The following HACD2 variants were observed in gnomAD, a reference collection of about 807,000 sequenced individuals.
The protein encoded by HACD2 is 3-hydroxyacyl-CoA dehydratase 2.
Under a neutral mutation model 31.0 loss-of-function variants are expected in HACD2, and 15 were observed. The observed-to-expected ratio is 0.48, with a 90% CI of 0.32 to 0.75. The LOEUF is 0.75. HACD2 is among the 30% of genes least tolerant of loss of function. The pLI is 0.03. For synonymous variants in HACD2, 115 were observed against 122.2 expected (o/e 0.94, Z 0.39); for missense variants, 283 against 313.0 (o/e 0.90, Z 0.72).
intron 6 of HACD2, 148 bp from the exon 7 acceptor site, chr3:123,495,118 G>A: frequency 1.6e-6 from 1 of 611,194 alleles, no homozygotes; most frequent in Non-Finnish European, 2.8e-6. Context: ...TTGGGGAAAG[G>A]AAGAAAAAAC....
At chr3:123,553,740 T>C (rs931721382) in intron 3 of HACD2, among the ~76,000 whole-genome samples, 1 of 152,168 alleles carries the variant, frequency 6.6e-6, no homozygotes, top group African/African-American at 2.4e-5. Context: ...TTGGGGGACA[T>C]GGAGAACTGA....
intron 3 of HACD2, among the ~76,000 whole-genome samples, chr3:123,531,653 CACA>C (rs1164094799): frequency 2.0e-5 from 3 of 152,204 alleles, no homozygotes; most frequent in African/African-American, 4.8e-5. Context: ...CACACACACA[CACA>C]ACGATTTATT....
At chr3:123,512,753 G>C (rs1247141555) in intron 4 of HACD2, among the ~76,000 whole-genome samples, 1 of 152,186 alleles carries the variant, frequency 6.6e-6, no homozygotes, top group Non-Finnish European at 1.5e-5. Context: ...ACTGTGGTTG[G>C]AGGGATCAGT....
chr3:123,543,382 C>T (rs2056517199), intron 3 of HACD2, among the ~76,000 whole-genome samples: 1 of 152,002 alleles, frequency 6.6e-6, no homozygotes. Context: ...GGGAAACCAA[C>T]ACATTATCCT....
In HACD2 at chr3:123,567,786, G is replaced by A. The variant is rs775386452; in HGVS notation, c.274-6C>T. On this transcript the variant is annotated splice_polypyrimidine_tract_variant and splice_region_variant and intron_variant, in intron 2 of 6. Coordinates refer to ENST00000383657, the MANE Select transcript of HACD2 (RefSeq NM_198402.5). ...CCTATAGCACAATGTAAAATCTAGAGGAAAAAAGGGGAAAAAAGAGGAGAA... is the reference window on the plus strand; with the variant it reads ...CCTATAGCACAATGTAAAATCTAGAAGAAAAAAGGGGAAAAAAGAGGAGAA... The A allele has an allele frequency of 4.8e-6, 7 of 1,470,106 alleles. No individual in the cohort carries two copies. Among genetic ancestry groups the A allele is most frequent in the East Asian group, 2.5e-5 (1 of 40,716 alleles). The allele number at this position is 1,470,106 out of a possible 1,614,324, so 91.1% of individuals were successfully genotyped here.
intron 2 of HACD2, among the ~76,000 whole-genome samples, chr3:123,570,418 C>T (rs975555823): frequency 6.6e-6 from 1 of 151,970 alleles, no homozygotes; most frequent in Non-Finnish European, 1.5e-5. Context: ...TGTGGACAAG[C>T]ACAGGAAAAT....
chr3:123,525,960 T>C (rs1236868867), intron 4 of HACD2, among the ~76,000 whole-genome samples: 7 of 152,196 alleles, frequency 4.6e-5, no homozygotes, highest in African/African-American at 9.7e-5. Context: ...ACAGAACAAA[T>C]TGAACTATAG....
At position 123,508,152 on chromosome 3, in the gene HACD2, G is replaced by A. The variant is rs578223987; in HGVS notation, c.382-5471C>T. ...GAGACAAAAGCCAGGTTTAGGATAG[G>A]TTGCCAAAAATGTCATAAAGCCGTT... On this transcript the variant is annotated intron_variant, in intron 4 of 6. Transcript: ENST00000383657. Among the ~76,000 whole-genome samples the A allele has an allele frequency of 1.6e-4, 25 of 152,336 alleles. No homozygotes were observed. In the South Asian group the frequency reaches 4.8e-3, roughly 29 times the overall value.
intron 4 of HACD2, among the ~76,000 whole-genome samples, chr3:123,511,821 T>C (rs1272732223): frequency 6.6e-6 from 1 of 152,216 alleles, no homozygotes; most frequent in African/African-American, 2.4e-5. Context: ...TTAGGGTATT[T>C]GACCCTCCAA....
At chr3:123,542,092 A>C (rs972797437) in intron 3 of HACD2, among the ~76,000 whole-genome samples, 1 of 127,172 alleles carries the variant, frequency 7.9e-6, no homozygotes, top group Non-Finnish European at 1.6e-5. Flanking sequence ...GCTTGCAGTG[A>C]GCCGAGATCC....
At chr3:123,542,146 C>CAAAAAAAAAA (rs11391480) in intron 3 of HACD2, among the ~76,000 whole-genome samples, 4 of 41,096 alleles carry the variant, frequency 9.7e-5, no homozygotes, top group African/African-American at 5.2e-4. Flanking sequence ...GACTCCGTCT[C>CAAAAAAAAAA]AAAAAAAAAA....
At chr3:123,569,297 A>T (rs760702569) in intron 2 of HACD2, among the ~76,000 whole-genome samples, 2 of 152,206 alleles carry the variant, frequency 1.3e-5, no homozygotes, top group Non-Finnish European at 1.5e-5. Context: ...ACAGATCTAG[A>T]TCAAAATGGG....
chr3:123,494,560 A>T lies in HACD2; in HGVS notation c.*328T>A. ...TTCAGACTGTAACTCTCAAGTACTT[A>T]GTGTTACAGGTCTTCATTGATCAGA... On this transcript the variant is annotated 3_prime_UTR_variant, in exon 7 of 7. Coordinates refer to ENST00000383657, the MANE Select transcript of HACD2 (RefSeq NM_198402.5). 3.0e-6 allele frequency: 1 copy of T among 334,912 alleles called. No homozygotes were observed. Among genetic ancestry groups the T allele is most frequent in the Admixed American group, 5.1e-5 (1 of 19,706 alleles). 20.7% of individuals were successfully genotyped at this position (334,912 alleles called of 1,614,324 possible). A position where few individuals can be genotyped will look rare whatever the true frequency, so the allele number is the denominator to read the frequency against.
intron 3 of HACD2, among the ~76,000 whole-genome samples, chr3:123,553,681 T>C (rs992016235): frequency 2.0e-5 from 3 of 152,208 alleles, no homozygotes; most frequent in Admixed American, 1.3e-4. Context: ...TATAAACCAC[T>C]GCATATTTAG....
chr3:123,566,504 G>C (rs368766808), intron 3 of HACD2, among the ~76,000 whole-genome samples: 35 of 151,562 alleles, frequency 2.3e-4, no homozygotes, highest in African/African-American at 8.2e-4. Flanking sequence ...GGCTGGTCTC[G>C]AACTCCTGGC....
intron 4 of HACD2, among the ~76,000 whole-genome samples, chr3:123,521,662 C>T (rs2107700033): frequency 6.6e-6 from 1 of 150,518 alleles, no homozygotes; most frequent in African/African-American, 2.4e-5. Context: ...AGCAGAGTCA[C>T]CACAGGGAGG....
At chr3:123,507,227 C>T (rs1576732388) in intron 4 of HACD2, among the ~76,000 whole-genome samples, 1 of 152,098 alleles carries the variant, frequency 6.6e-6, no homozygotes, top group South Asian at 2.1e-4. Context: ...TGCACTCCAG[C>T]CTGGGTGACG....
Position 123,494,843 on chromosome 3 carries a change from G to C in HACD2, c.*45C>G. 3 of 1,248,028 alleles carry C rather than the reference G, an allele frequency of 2.4e-6. No homozygotes were observed. The highest frequency in any genetic ancestry group is 2.1e-5 in the Admixed American group (1 of 47,482). 77.3% of individuals were successfully genotyped at this position (1,248,028 alleles called of 1,614,324 possible). A position where few individuals can be genotyped will look rare whatever the true frequency, so the allele number is the denominator to read the frequency against. The stretch of plus-strand genomic sequence containing the variant: ...ACTCAAAAAATCTGCAGCATTTTTT[G>C]ATCATTGAAAAGTTTGTTTTGGTGG... On this transcript the variant is annotated 3_prime_UTR_variant, in exon 7 of 7. Coordinates refer to ENST00000383657, the MANE Select transcript of HACD2 (RefSeq NM_198402.5).
chr3:123,579,523 C>T (rs6805970), intron 2 of HACD2, among the ~76,000 whole-genome samples: 14,514 of 151,940 alleles, frequency 0.096, 2,299 homozygotes, highest in African/African-American at 0.33. Flanking sequence ...AAGCTGGTCT[C>T]GAACTCTTGC....
Sources: gnomAD v4.1 joint callset for allele counts (sites outside exome capture counted in the v4.1 genomes callset) on GRCh38, gnomAD v4.1.1 for gene constraint, MANE v1.5 for transcripts, NCBI Gene and HGNC (gene_info 2026-07-23, HGNC 2026-07-21) for gene names.